TP53BP2: variants seen among roughly 807,000 people sequenced by gnomAD.
TP53BP2 encodes the protein apoptosis-stimulating of p53 protein 2.
A neutral mutation model predicts 126.2 loss-of-function variants in TP53BP2; 62 were observed. That is an observed-to-expected ratio of 0.49 (90% CI 0.40 to 0.61). The LOEUF is 0.61. Among genes scored for constraint, TP53BP2 ranks in the 20% least tolerant of loss-of-function variants. The pLI, the probability that TP53BP2 is intolerant of heterozygous loss-of-function variation, is 0.00. For missense variants in TP53BP2, 1,215 were observed against 1,402.8 expected, an observed-to-expected ratio of 0.87 and a Z score of 2.14; for synonymous variants, 485 against 502.9, an observed-to-expected ratio of 0.96 and a Z score of 0.48.
At chr1:223,798,108 T>A in intron 12 of TP53BP2, 107 bp downstream of exon 12, 1 of 1,116,784 alleles carries the variant, frequency 9.0e-7, no homozygotes, top group South Asian at 1.5e-5. Flanking sequence ...TTAAAAACCC[T>A]TAGCGTCAGT....
intron 16 of TP53BP2, among the ~76,000 whole-genome samples, chr1:223,786,691 C>A (rs989553962): frequency 5.3e-5 from 8 of 151,558 alleles, no homozygotes; most frequent in African/African-American, 1.9e-4. Flanking sequence ...ACTGCAAGTT[C>A]CTCCTCCGGG....
At chr1:223,820,571 G>A (rs1375739496) in intron 2 of TP53BP2, among the ~76,000 whole-genome samples, 1 of 152,190 alleles carries the variant, frequency 6.6e-6, no homozygotes, top group Non-Finnish European at 1.5e-5. Context: ...TAGCTATCAT[G>A]AATGGCATGA....
At chr1:223,787,111 G>A (rs1558087694) in intron 16 of TP53BP2, among the ~76,000 whole-genome samples, 1 of 151,080 alleles carries the variant, frequency 6.6e-6, no homozygotes, top group African/African-American at 2.4e-5. Flanking sequence ...GGCCAGGCTG[G>A]TCTCGAACTT....
intron 4 of TP53BP2, among the ~76,000 whole-genome samples, chr1:223,808,099 G>A (rs1662783324): frequency 6.6e-6 from 1 of 152,198 alleles, no homozygotes; most frequent in South Asian, 2.1e-4. Context: ...AAACAGAATA[G>A]AGAGTACAAA....
intron 14 of TP53BP2, 57 bp from the exon 15 acceptor site, chr1:223,792,579 T>C (rs1662189225): frequency 1.3e-6 from 2 of 1,586,966 alleles, no homozygotes; most frequent in Non-Finnish European, 1.7e-6. Flanking sequence ...GAACTGTCAC[T>C]ACTAACTGGC....
intron 1 of TP53BP2, among the ~76,000 whole-genome samples, chr1:223,824,413 G>A (rs187129102): frequency 3.6e-4 from 55 of 152,306 alleles, no homozygotes; most frequent in African/African-American, 1.2e-3. Context: ...TTAGCTCTGC[G>A]GTGATTTTAG....
chr1:223,843,844 TATAAC>T (rs1249840134), intron 1 of TP53BP2, among the ~76,000 whole-genome samples: 3 of 152,222 alleles, frequency 2.0e-5, no homozygotes, highest in African/African-American at 4.8e-5. Context: ...TAAAGACACA[TATAAC>T]ATGAGTCTAC....
Position 223,814,343 on chromosome 1 carries a change from A to C in TP53BP2, c.186T>G (p.Val62=). 1 of 1,612,426 alleles carries C rather than the reference A, an allele frequency of 6.2e-7. No individual in the cohort carries two copies. The highest frequency in any genetic ancestry group is 8.5e-7 in the Non-Finnish European group (1 of 1,178,542). ...AEVWCGSERP[V]ADNERMFDVL... is the part of the protein sequence containing the mutation. ...CATCAAACATTCGCTCATTATCCGCAACTGGACGTTCTAAAGCAAATGAGT... is the reference window on the plus strand; with the variant it reads ...CATCAAACATTCGCTCATTATCCGCCACTGGACGTTCTAAAGCAAATGAGT... The change falls in exon 3 of 18, where the codon GTT becomes GTG. Residue 62 remains valine, a synonymous_variant. Coordinates refer to ENST00000343537, the MANE Select transcript of TP53BP2 (RefSeq NM_001031685.3).
rs150371821 is a variant in TP53BP2, at chr1:223,828,515, G to A, written c.28-7148C>T. On this transcript the variant is annotated intron_variant, in intron 1 of 17. Coordinates refer to ENST00000343537, the MANE Select transcript of TP53BP2 (RefSeq NM_001031685.3). ...CCCTGGATCCTTACCGTGAGATATG[G>A]AAGACAAATATCTGTTGAGACTGTT... is the stretch of plus-strand genomic sequence containing the variant. Among the ~76,000 whole-genome samples the A allele has an allele frequency of 3.6e-3, 551 of 152,246 alleles. 2 individuals carry two copies. The highest frequency in any genetic ancestry group is 0.012 in the African/African-American group (511 of 41,534).
Position 223,845,773 on chromosome 1 carries a change from G to C in TP53BP2, c.-93C>G. ...AGGGGAGCGGAGAGCGAGGCCGCCCGGACCTGTTGCGAGGCGGCGGCGGCG... is the reference window on the plus strand; with the variant it reads ...AGGGGAGCGGAGAGCGAGGCCGCCCCGACCTGTTGCGAGGCGGCGGCGGCG... On this transcript the variant is annotated 5_prime_UTR_variant, in exon 1 of 18. Transcript: ENST00000343537. The C allele has an allele frequency of 3.2e-6, 4 of 1,244,520 alleles. No homozygotes were observed. The highest frequency in any genetic ancestry group is 4.1e-6 in the Non-Finnish European group (4 of 981,954). The allele number at this position is 1,244,520 out of a possible 1,614,324, so 77.1% of individuals were successfully genotyped here.
chr1:223,795,287 A>T (rs939290945), intron 13 of TP53BP2, among the ~76,000 whole-genome samples: 12 of 152,238 alleles, frequency 7.9e-5, no homozygotes, highest in African/African-American at 2.9e-4. Flanking sequence ...GAGGCTGAAG[A>T]GGGGCCCCTC....
chr1:223,814,091 C>G (rs780067759), intron 3 of TP53BP2, 149 bp downstream of exon 3: 6 of 597,312 alleles, frequency 1.0e-5, no homozygotes, highest in African/African-American at 1.9e-5. Context: ...AGTCAAACTT[C>G]TCCCCTCGAC....
At chr1:223,804,095 G>A (rs1368592432) in intron 6 of TP53BP2, 79 bp downstream of exon 6, 17 of 1,462,922 alleles carry the variant, frequency 1.2e-5, no homozygotes, top group Non-Finnish European at 1.6e-5. Context: ...GACCAGCCTG[G>A]GCAACACAGT....
intron 1 of TP53BP2, among the ~76,000 whole-genome samples, chr1:223,834,141 G>A (rs1663837350): frequency 1.3e-5 from 2 of 152,204 alleles, no homozygotes; most frequent in Non-Finnish European, 2.9e-5. Flanking sequence ...GAGAACAGGG[G>A]GTAGCTCAGG....
chr1:223,790,688 T>A (rs936019463), intron 15 of TP53BP2, among the ~76,000 whole-genome samples: 8 of 151,614 alleles, frequency 5.3e-5, no homozygotes, highest in African/African-American at 1.9e-4. Flanking sequence ...CACTGCAGTC[T>A]TGACCTCCAG....
rs749584087 is a variant in TP53BP2 at position 223,798,336 on chromosome 1, G to A, written c.1827C>T (p.Thr609=). 8.7e-6 allele frequency: 14 copies of A among 1,614,022 alleles called. No individual in the cohort carries two copies. The highest frequency in any genetic ancestry group is 2.2e-5 in the East Asian group (1 of 44,886). Residue 609 remains threonine (T), a synonymous_variant, in exon 12 of 18, where the codon ACC becomes ACT. Transcript: ENST00000343537. ...TLLPPFRKPQ[T]VAASSIYSMY... is the part of the protein sequence containing the mutation. ...TGGAATATATTGAACTTGCTGCCAC[G>A]GTCTGGGGTTTTCTGAAGGGTGGAA...
At chr1:223,809,833 CTTT>C (rs949554343) in intron 4 of TP53BP2, among the ~76,000 whole-genome samples, 3 of 147,870 alleles carry the variant, frequency 2.0e-5, no homozygotes, top group African/African-American at 5.0e-5. Context: ...TATAATTTTC[CTTT>C]TTTTTTTGAG....
intron 1 of TP53BP2, among the ~76,000 whole-genome samples, chr1:223,823,251 T>A (rs1200580069): frequency 1.3e-5 from 2 of 152,134 alleles, no homozygotes; most frequent in Non-Finnish European, 1.5e-5. Context: ...GAAAGCTGCA[T>A]TAAGATGTTG....
chr1:223,805,839 G>C (rs1160871300), intron 5 of TP53BP2, among the ~76,000 whole-genome samples: 1 of 152,176 alleles, frequency 6.6e-6, no homozygotes, highest in Non-Finnish European at 1.5e-5. Context: ...CACACCATCT[G>C]TTTACCTATT....
Sources: gnomAD v4.1 joint callset for allele counts (sites outside exome capture counted in the v4.1 genomes callset) on GRCh38, gnomAD v4.1.1 for gene constraint, MANE v1.5 for transcripts, NCBI Gene and HGNC (gene_info 2026-07-23, HGNC 2026-07-21) for gene names.